The following SFI1 variants were observed in gnomAD, a reference collection of about 807,000 sequenced individuals.
The protein encoded by SFI1 is SFI1 centrin binding protein, also known as protein SFI1 homolog.
Under a neutral mutation model 207.5 loss-of-function variants are expected in SFI1, and 195 were observed. That is an observed-to-expected ratio of 0.94 (90% CI 0.84 to 1.06). SFI1 has a LOEUF of 1.06. SFI1 is among the 50% of genes least tolerant of loss of function. SFI1 has a pLI of 0.00. For synonymous variants in SFI1, 630 were observed against 598.9 expected (o/e 1.05, Z -0.76); for missense variants, 1,634 against 1,588.0 (o/e 1.03, Z -0.49).
intron 14 of SFI1, among the ~76,000 whole-genome samples, 169 bp from the exon 15 acceptor site, chr22:31,589,273 ACCTAT>A (rs2065489254): frequency 6.6e-6 from 1 of 151,822 alleles, no homozygotes. Context: ...AAATTTTTTT[ACCTAT>A]CCTATTTCAT....
chr22:31,592,691 C>G (rs1278689885), intron 15 of SFI1, among the ~76,000 whole-genome samples: 81 of 87,672 alleles, frequency 9.2e-4, no homozygotes, highest in Non-Finnish European at 1.2e-3. Context: ...CTGACCCCCC[C>G]ACCTCCCTCC....
chr22:31,616,815 C>G lies in SFI1; in HGVS notation c.3371C>G (p.Pro1124Arg). The change falls in exon 30 of 33, where the codon CCC (proline) becomes CGC (arginine). Residue 1124 changes from proline to arginine, a missense_variant. Transcript: ENST00000400288. ...TCATCCCTGGCCAGTGTCCCTGACC[C>G]CCATCTACTCCTTCCTGGGGACTTC... Reference protein sequence around the residue: ...VPSSLASVPDPHLLLPGDFSA... With the variant: ...VPSSLASVPDRHLLLPGDFSA... The G allele has an allele frequency of 6.2e-7, 1 of 1,612,668 alleles. No individual in the cohort carries two copies. The highest frequency in any genetic ancestry group is 2.2e-5 in the East Asian group (1 of 44,884).
chr22:31,586,716 T>C (rs1427519341), intron 14 of SFI1, among the ~76,000 whole-genome samples: 1 of 152,220 alleles, frequency 6.6e-6, no homozygotes, highest in Non-Finnish European at 1.5e-5. Context: ...TGAAAGGTTG[T>C]ATTTATTCAA....
At chr22:31,591,366 C>A (rs892174747) in intron 15 of SFI1, among the ~76,000 whole-genome samples, 8 of 152,188 alleles carry the variant, frequency 5.3e-5, no homozygotes, top group African/African-American at 1.9e-4. Flanking sequence ...CATGTCTACT[C>A]CCTTCCACAC....
intron 4 of SFI1, among the ~76,000 whole-genome samples, chr22:31,539,307 T>C (rs778604893): frequency 1.3e-5 from 2 of 152,120 alleles, no homozygotes; most frequent in Non-Finnish European, 2.9e-5. Flanking sequence ...GTCACATCAT[T>C]CTGTCAAACT....
chr22:31,603,513 C>T (rs534390194), intron 17 of SFI1, among the ~76,000 whole-genome samples: 1 of 152,366 alleles, frequency 6.6e-6, no homozygotes, highest in African/African-American at 2.4e-5. Context: ...GGGGGCTTCA[C>T]ACCTGCACAT....
intron 1 of SFI1, among the ~76,000 whole-genome samples, chr22:31,507,967 T>TTGAG (rs1439663919): frequency 1.3e-5 from 2 of 152,010 alleles, no homozygotes; most frequent in African/African-American, 4.8e-5. Context: ...TCCCAGCTAC[T>TTGAG]TGAGAGGTTG....
chr22:31,555,332 T>C (rs2061060295), intron 6 of SFI1, among the ~76,000 whole-genome samples: 1 of 151,948 alleles, frequency 6.6e-6, no homozygotes, highest in African/African-American at 2.4e-5. Context: ...TACAAAAAAA[T>C]ACAAAAATTA....
intron 4 of SFI1, among the ~76,000 whole-genome samples, chr22:31,531,382 TC>T (rs908452852): frequency 3.3e-5 from 5 of 152,236 alleles, no homozygotes; most frequent in African/African-American, 9.6e-5. Context: ...GTTTTAGTGT[TC>T]AGTGGTGTGG....
rs1453840121 is a variant in SFI1 at position 31,550,321 on chromosome 22, A to G, written c.517A>G (p.Asn173Asp). 6.2e-7 allele frequency: 1 copy of G among 1,614,168 alleles called. No individual in the cohort carries two copies. Among genetic ancestry groups the G allele is most frequent in the Admixed American group, 1.7e-5 (1 of 60,006 alleles). ...TGTGCGTCAGCAGCAGGAGATGAGGAACAAGTACATTAGAGCCGAGGTTCA... is the reference window on the plus strand; with the variant it reads ...TGTGCGTCAGCAGCAGGAGATGAGGGACAAGTACATTAGAGCCGAGGTTCA... ...TYVRQQQEMR[N>D]KYIRAEVHDA... is the part of the protein sequence containing the mutation. Residue 173 changes from asparagine (N) to aspartate (D), a missense_variant, in exon 6 of 33, where the codon AAC becomes GAC. Transcript: ENST00000400288.
At chr22:31,571,901 AT>A (rs555993816) in intron 8 of SFI1, among the ~76,000 whole-genome samples, 5,701 of 147,950 alleles carry the variant, frequency 0.039, 132 homozygotes, top group Non-Finnish European at 0.062. Flanking sequence ...CATCTTGAAG[AT>A]TTTTTTTTTT....
At chr22:31,580,234 C>T (rs1247871714) in intron 11 of SFI1, 38 bp from the exon 12 acceptor site, 2 of 1,508,994 alleles carry the variant, frequency 1.3e-6, no homozygotes, top group Non-Finnish European at 9.2e-7. Context: ...TCTACTGATC[C>T]CAGTCCTTGT....
Position 31,556,965 on chromosome 22 carries a change from G to T in SFI1, c.568G>T (p.Ala190Ser), listed in dbSNP as rs754460382. 6.2e-7 allele frequency: 1 copy of T among 1,609,686 alleles called. No individual in the cohort carries two copies. The highest frequency in any genetic ancestry group is 1.1e-5 in the South Asian group (1 of 90,602). Residue 190 changes from alanine to serine, a missense_variant, in exon 7 of 33, where the codon GCC (alanine) becomes TCC (serine). By Grantham distance (99) the Ala-to-Ser change is moderately conservative. Coordinates refer to ENST00000400288, the MANE Select transcript of SFI1 (RefSeq NM_001007467.3). ...AGATGCAAAGCAAAAGATGCGACAG[G>T]CCTGGAAGTCCTGGTTGATCTACGT... Reference protein sequence around the residue: ...VHDAKQKMRQAWKSWLIYVVV... With the variant: ...VHDAKQKMRQSWKSWLIYVVV...
chr22:31,576,199 A>G (rs1026673756), intron 10 of SFI1, among the ~76,000 whole-genome samples: 9 of 150,414 alleles, frequency 6.0e-5, no homozygotes, highest in African/African-American at 2.2e-4. Flanking sequence ...TAATTTTTGT[A>G]TTTTTAGTAG....
rs777228140 is a variant in SFI1 at position 31,611,817 on chromosome 22, T to G, written c.2467T>G (p.Cys823Gly). The change falls in exon 24 of 33, where the codon TGC (cysteine) becomes GGC (glycine). Residue 823 changes from cysteine to glycine, a missense_variant. Cys to Gly is a radical substitution (Grantham distance 159). Coordinates refer to ENST00000400288, the MANE Select transcript of SFI1 (RefSeq NM_001007467.3). ...GCTGGCACAGAGACTCAGCCGGACCTGCTTCCGCCAGTGGAGACAACAGGT... is the reference window on the plus strand; with the variant it reads ...GCTGGCACAGAGACTCAGCCGGACCGGCTTCCGCCAGTGGAGACAACAGGT... ...QLLAQRLSRTCFRQWRQQLAA... is the reference protein window; with the variant it reads ...QLLAQRLSRTGFRQWRQQLAA... 6.2e-7 allele frequency: 1 copy of G among 1,613,986 alleles called. No homozygotes were observed. Among genetic ancestry groups the G allele is most frequent in the South Asian group, 1.1e-5 (1 of 91,088 alleles).
intron 7 of SFI1, among the ~76,000 whole-genome samples, chr22:31,560,359 T>C (rs2061565510): frequency 6.6e-6 from 1 of 151,888 alleles, no homozygotes; most frequent in Admixed American, 6.6e-5. Context: ...GATTGCAGAT[T>C]ATTTTGTGAA....
intron 4 of SFI1, among the ~76,000 whole-genome samples, chr22:31,546,085 G>A (rs2060059125): frequency 6.6e-6 from 1 of 151,290 alleles, no homozygotes; most frequent in Non-Finnish European, 1.5e-5. Flanking sequence ...TGTAGAGATT[G>A]GGTTCCACCA....
chr22:31,595,711 G>T (rs1328256292), intron 15 of SFI1, among the ~76,000 whole-genome samples: 2 of 152,232 alleles, frequency 1.3e-5, no homozygotes, highest in Non-Finnish European at 2.9e-5. Flanking sequence ...GAGCATGGAA[G>T]TATCTGGGAG....
At chr22:31,553,941 G>A (rs117564216) in intron 6 of SFI1, among the ~76,000 whole-genome samples, 1,510 of 130,978 alleles carry the variant, frequency 0.012, 8 homozygotes, top group South Asian at 0.023. Flanking sequence ...GGAACTCCTA[G>A]GCTCTGACCT....
Sources: allele counts gnomAD v4.1 joint callset (sites outside exome capture counted in the v4.1 genomes callset), GRCh38; gene constraint gnomAD v4.1.1; transcripts MANE v1.5; gene names NCBI Gene and HGNC (gene_info 2026-07-23, HGNC 2026-07-21).